The following ITCH variants were observed in gnomAD, a reference collection of about 807,000 sequenced individuals.
The protein encoded by ITCH is E3 ubiquitin-protein ligase Itchy homolog.
ITCH carries 28 observed loss-of-function variants against 126.8 expected under a neutral mutation model. The ratio of observed to expected loss-of-function variants is 0.22; its 90% CI spans 0.16 to 0.30. ITCH has a LOEUF of 0.30. ITCH is among the 10% of genes least tolerant of loss of function. ITCH has a pLI of 1.00. For synonymous variants in ITCH, 342 were observed against 340.0 expected, an observed-to-expected ratio of 1.01 and a Z score of -0.06; for missense variants, 631 against 1,032.4, an observed-to-expected ratio of 0.61 and a Z score of 5.33.
rs1245034082 is a variant in ITCH, at chr20:34,393,816, C to T, written c.5C>T (p.Ser2Phe). M[S>F]DSGSQLGSMG... Reference sequence around the variant, plus strand: ...GTTTTCCAACCTATTGGTGGTATGTCTGACAGTGGATCACAACTTGGTTCA... The same window carrying T: ...GTTTTCCAACCTATTGGTGGTATGTTTGACAGTGGATCACAACTTGGTTCA... Residue 2 changes from serine (S) to phenylalanine (F), a missense_variant, in exon 3 of 25, where the codon TCT becomes TTT. Around this residue, in one of 4 missense-constraint regions of ITCH, gnomAD observed 19 missense variants for 17.5 expected, o/e 1.08. Transcript: ENST00000374864. The T allele has an allele frequency of 6.2e-7, 1 of 1,613,072 alleles. No homozygotes were observed. Among genetic ancestry groups the T allele is most frequent in the South Asian group, 1.1e-5 (1 of 91,054 alleles).
chr20:34,501,573 C>G (rs975487314), intron 23 of ITCH, among the ~76,000 whole-genome samples: 1 of 151,960 alleles, frequency 6.6e-6, no homozygotes, highest in Non-Finnish European at 1.5e-5. Flanking sequence ...GTTGGGAGTT[C>G]GAGACCAGCC....
chr20:34,365,576 G>A (rs909114092), intron 1 of ITCH, among the ~76,000 whole-genome samples: 8 of 151,940 alleles, frequency 5.3e-5, no homozygotes, highest in Admixed American at 1.3e-4. Context: ...CACCACTCCC[G>A]GTAATTTTTT....
In ITCH at chr20:34,413,879, A is replaced by G. The variant is rs1295009852; in HGVS notation, c.475A>G (p.Ser159Gly). The change falls in exon 6 of 25, where the codon AGT (serine) becomes GGT (glycine). Residue 159 changes from serine (S) to glycine (G), a missense_variant and splice_region_variant. Ser to Gly is a moderately conservative substitution (Grantham distance 56, BLOSUM62 0). Transcript: ENST00000374864. ...VTNGETTCSE[S>G]ASQNDDGSRS... Reference sequence around the variant, plus strand: ...CAATGGTGAAACTACATGTTCAGAAAGTAAGTGACTACCTTTTTAAGGTCT... The same window carrying G: ...CAATGGTGAAACTACATGTTCAGAAGGTAAGTGACTACCTTTTTAAGGTCT... 16 of 1,611,224 alleles carry G rather than the reference A, an allele frequency of 9.9e-6. No homozygotes were observed. The highest frequency in any genetic ancestry group is 1.4e-5 in the Non-Finnish European group (16 of 1,177,360).
At chr20:34,393,768 A>G in intron 2 of ITCH, 23 bp from the exon 3 acceptor site, 1 of 1,354,804 alleles carries the variant, frequency 7.4e-7, no homozygotes, top group South Asian at 1.2e-5. Context: ...TGATGTTTAC[A>G]GTGTCTCCTT....
chr20:34,452,606 A>G (rs1985398278), intron 12 of ITCH, among the ~76,000 whole-genome samples: 1 of 152,210 alleles, frequency 6.6e-6, no homozygotes, highest in South Asian at 2.1e-4. Flanking sequence ...CCCATCTTAC[A>G]GCTTGCACCC....
At chr20:34,397,212 G>A (rs1402301219) in intron 3 of ITCH, among the ~76,000 whole-genome samples, 3 of 152,064 alleles carry the variant, frequency 2.0e-5, no homozygotes, top group South Asian at 4.1e-4. Flanking sequence ...TAATAGAGAC[G>A]AGGTTTCACC....
rs1318068663 is a variant in ITCH, at chr20:34,508,075, C to T, written c.*281C>T. On this transcript the variant is annotated 3_prime_UTR_variant, in exon 25 of 25. Transcript: ENST00000374864. ...TTCCACTAGTTTATTCCTTTAACAACAATATTTTATGTGTGTCAAAAGTCT... is the reference window on the plus strand; with the variant it reads ...TTCCACTAGTTTATTCCTTTAACAATAATATTTTATGTGTGTCAAAAGTCT... 9 of 396,308 alleles carry T rather than the reference C, an allele frequency of 2.3e-5. No individual in the cohort carries two copies. Among genetic ancestry groups the T allele is most frequent in the Non-Finnish European group, 4.3e-5 (9 of 208,844 alleles). The allele number at this position is 396,308 out of a possible 1,614,324, so 24.5% of individuals were successfully genotyped here. A position where few individuals can be genotyped will look rare whatever the true frequency, so the allele number is the denominator to read the frequency against.
chr20:34,445,527 C>A, intron 11 of ITCH, 66 bp downstream of exon 11: 2 of 1,501,910 alleles, frequency 1.3e-6, no homozygotes, highest in South Asian at 1.1e-5. Flanking sequence ...CAGCATATGT[C>A]ATGGAAAGCA....
At chr20:34,461,974 C>T in intron 13 of ITCH, 119 bp from the exon 14 acceptor site, 2 of 974,222 alleles carry the variant, frequency 2.1e-6, no homozygotes, top group Non-Finnish European at 3.2e-6. Flanking sequence ...AACTGAATTA[C>T]TGAACTGAAT....
At chr20:34,398,188 G>T (rs950889565) in intron 3 of ITCH, among the ~76,000 whole-genome samples, 1 of 151,046 alleles carries the variant, frequency 6.6e-6, no homozygotes, top group Non-Finnish European at 1.5e-5. Context: ...TCAGCCTCCT[G>T]AGTAGCTGGA....
At chr20:34,457,239 A>G (rs1986092606) in intron 12 of ITCH, 151 bp from the exon 13 acceptor site, 2 of 662,454 alleles carry the variant, frequency 3.0e-6, no homozygotes, top group East Asian at 2.8e-5. Flanking sequence ...AATAGTCAAT[A>G]AATTAAACCT....
At chr20:34,480,495 C>G (rs1339376965) in intron 18 of ITCH, 104 bp from the exon 19 acceptor site, 6 of 1,388,636 alleles carry the variant, frequency 4.3e-6, no homozygotes, top group Non-Finnish European at 6.1e-6. Flanking sequence ...AGCCACCATG[C>G]CTGACCCAGG....
At chr20:34,489,967 A>AT in intron 22 of ITCH, 41 bp downstream of exon 22, 1 of 1,457,052 alleles carries the variant, frequency 6.9e-7, no homozygotes, top group Non-Finnish European at 9.6e-7. Flanking sequence ...ACACAGCATA[A>AT]TTTTTTAGAA....
At chr20:34,442,013 A>AAT in intron 9 of ITCH, 195 bp from the exon 10 acceptor site, 2 of 606,766 alleles carry the variant, frequency 3.3e-6, no homozygotes, top group South Asian at 3.7e-5. Flanking sequence ...GAAGAAATTG[A>AAT]ATTCACTGTG....
At position 34,486,309 on chromosome 20, in the gene ITCH, C is replaced by T. The variant is rs577094683; in HGVS notation, c.2094-2957C>T. On this transcript the variant is annotated intron_variant, in intron 20 of 24. Transcript: ENST00000374864. ...TGCTGGAATTATAGGCATGAGCCGCCGCATCCAGTCCACACCTTTTTTTTT... is the reference window on the plus strand; with the variant it reads ...TGCTGGAATTATAGGCATGAGCCGCTGCATCCAGTCCACACCTTTTTTTTT... 3.9e-5 allele frequency among the ~76,000 whole-genome samples: 6 copies of T among 152,054 alleles called. No individual in the cohort carries two copies. In the East Asian group the frequency reaches 1.2e-3, roughly 29 times the overall value.
intron 10 of ITCH, among the ~76,000 whole-genome samples, chr20:34,443,699 CCGGGGCTGG>C (rs753534438): frequency 2.0e-5 from 3 of 152,036 alleles, no homozygotes; most frequent in Non-Finnish European, 4.4e-5. Context: ...TTAGTTGCTG[CCGGGGCTGG>C]GCACAGTGGC....
intron 15 of ITCH, among the ~76,000 whole-genome samples, chr20:34,470,421 A>AATATATATAT (rs11474698): frequency 6.8e-6 from 1 of 146,888 alleles, no homozygotes; most frequent in African/African-American, 2.5e-5. Flanking sequence ...TACCTCTGTA[A>AATATATATAT]ATATATATAT....
chr20:34,469,222 A>AACACACAC lies in ITCH; in HGVS notation c.1425-805_1425-798dup, dbSNP rs34998924. Among the ~76,000 whole-genome samples, 249 of 149,234 alleles carry AACACACAC rather than the reference A, an allele frequency of 1.7e-3. 1 individual carries two copies. Among genetic ancestry groups the AACACACAC allele is most frequent in the African/African-American group, 5.9e-3 (238 of 40,660 alleles). On this transcript the variant is annotated intron_variant, in intron 14 of 24. Coordinates refer to ENST00000374864, the MANE Select transcript of ITCH (RefSeq NM_031483.7). ...GAATTTGGAGGAAGGGCAAATTATAAACACACACACACACACACACACACA... is the reference window on the plus strand; with the variant it reads ...GAATTTGGAGGAAGGGCAAATTATAAACACACACACACACACACACACACACACACACA...
intron 7 of ITCH, among the ~76,000 whole-genome samples, chr20:34,427,476 G>T (rs1568929078): frequency 2.0e-5 from 3 of 152,142 alleles, no homozygotes; most frequent in East Asian, 1.9e-4. Context: ...GTTAGGCCTG[G>T]TGGCACGTGC....
Sources: gnomAD v4.1 joint callset for allele counts (sites outside exome capture counted in the v4.1 genomes callset) on GRCh38, gnomAD v4.1.1 for gene constraint, gnomAD v4.1.1 regional missense constraint, MANE v1.5 for transcripts, NCBI Gene and HGNC (gene_info 2026-07-23, HGNC 2026-07-21) for gene names.